SEPTIN11: variants seen among roughly 807,000 people sequenced by gnomAD.
SEPTIN11 encodes the protein septin-11.
In SEPTIN11, 25 loss-of-function variants were observed where a neutral mutation model predicts 51.4. The ratio of observed to expected loss-of-function variants is 0.49; its 90% CI spans 0.35 to 0.68. The LOEUF is 0.68. Among genes scored for constraint, SEPTIN11 ranks in the 30% least tolerant of loss-of-function variants. SEPTIN11 has a pLI of 0.00. For synonymous variants in SEPTIN11, 174 were observed against 184.1 expected, an observed-to-expected ratio of 0.95 and a Z score of 0.44; for missense variants, 381 against 520.8, an observed-to-expected ratio of 0.73 and a Z score of 2.61.
At chr4:76,953,573 C>T (rs1721439518) in intron 1 of SEPTIN11, among the ~76,000 whole-genome samples, 1 of 152,040 alleles carries the variant, frequency 6.6e-6, no homozygotes, top group East Asian at 1.9e-4. Flanking sequence ...GTCGGTGTGC[C>T]TGGAGAAACA....
At chr4:77,022,682 A>G (rs1371080380) in intron 7 of SEPTIN11, among the ~76,000 whole-genome samples, 4 of 152,182 alleles carry the variant, frequency 2.6e-5, no homozygotes, top group Non-Finnish European at 4.4e-5. Context: ...ACTGCCTGCA[A>G]AAGTTAGAAT....
At chr4:76,950,010 G>A in intron 1 of SEPTIN11, 80 bp downstream of exon 1, 1 of 1,306,838 alleles carries the variant, frequency 7.7e-7, no homozygotes, top group Non-Finnish European at 9.7e-7. Flanking sequence ...AGGACCACAG[G>A]GGAGCCGGGC....
intron 1 of SEPTIN11, among the ~76,000 whole-genome samples, chr4:76,952,670 G>A (rs74563920): frequency 6.6e-6 from 1 of 152,196 alleles, no homozygotes; most frequent in Non-Finnish European, 1.5e-5. Flanking sequence ...CTTCAATTTA[G>A]TGTGATACTG....
chr4:76,952,717 A>G (rs1721397724), intron 1 of SEPTIN11, among the ~76,000 whole-genome samples: 1 of 152,170 alleles, frequency 6.6e-6, no homozygotes, highest in Non-Finnish European at 1.5e-5. Context: ...TAGCTTCTCC[A>G]TTTCCCCACT....
At chr4:77,023,018 T>C (rs1725829550) in intron 7 of SEPTIN11, among the ~76,000 whole-genome samples, 1 of 152,112 alleles carries the variant, frequency 6.6e-6, no homozygotes, top group Non-Finnish European at 1.5e-5. Context: ...AGGCATTTCC[T>C]GCAAGCCCAG....
chr4:76,962,694 T>C (rs1026588696), intron 1 of SEPTIN11, among the ~76,000 whole-genome samples: 10 of 152,250 alleles, frequency 6.6e-5, no homozygotes, highest in African/African-American at 2.4e-4. Context: ...ACTGCCTGTT[T>C]AATCAGTTTC....
chr4:77,003,411 C>A (rs559272193), intron 2 of SEPTIN11, among the ~76,000 whole-genome samples: 1 of 152,340 alleles, frequency 6.6e-6, no homozygotes, highest in South Asian at 2.1e-4. Context: ...ATTATTCAGT[C>A]ATGTTCTAGA....
intron 1 of SEPTIN11, chr4:76,987,959 C>T (rs1043604080): frequency 1.8e-5 from 5 of 281,472 alleles, no homozygotes; most frequent in African/African-American, 6.8e-5. Flanking sequence ...CTCCTCTGCC[C>T]TCTGCTGCCC....
chr4:77,003,788 A>T (rs555664739), intron 2 of SEPTIN11, among the ~76,000 whole-genome samples: 1 of 152,210 alleles, frequency 6.6e-6, no homozygotes, highest in Non-Finnish European at 1.5e-5. Flanking sequence ...TTTTGTCATT[A>T]TAGTGGGAGG....
At chr4:76,975,003 A>G (rs1331013583) in intron 1 of SEPTIN11, among the ~76,000 whole-genome samples, 3 of 151,924 alleles carry the variant, frequency 2.0e-5, no homozygotes, top group African/African-American at 7.3e-5. Flanking sequence ...CGTGCCTGTA[A>G]TCCCAGTCAC....
At chr4:77,025,954 C>T (rs1726104412) in intron 7 of SEPTIN11, among the ~76,000 whole-genome samples, 1 of 152,184 alleles carries the variant, frequency 6.6e-6, no homozygotes, top group Non-Finnish European at 1.5e-5. Context: ...CAAAGTTGCT[C>T]CTTAGGCTTT....
At chr4:76,950,398 T>C (rs1456431255) in intron 1 of SEPTIN11, among the ~76,000 whole-genome samples, 1 of 152,134 alleles carries the variant, frequency 6.6e-6, no homozygotes, top group Non-Finnish European at 1.5e-5. Context: ...GGGGTGGGAT[T>C]TCCGTGGTGG....
Position 77,036,157 on chromosome 4 carries a change from A to G in SEPTIN11, c.*1645A>G. ...TGATTATGCTTAATTAAGCAAAGTA[A>G]GGAAATTAGTTTCATGGAAGCCTAA... On this transcript the variant is annotated 3_prime_UTR_variant, in exon 10 of 10. Coordinates refer to ENST00000264893, the MANE Select transcript of SEPTIN11 (RefSeq NM_018243.4). 1 of 987,206 alleles carries G rather than the reference A, an allele frequency of 1.0e-6. No homozygotes were observed. The highest frequency in any genetic ancestry group is 1.2e-6 in the Non-Finnish European group (1 of 831,058). The allele number at this position is 987,206 out of a possible 1,614,324, so 61.2% of individuals were successfully genotyped here. A position where few individuals can be genotyped will look rare whatever the true frequency, so the allele number is the denominator to read the frequency against.
chr4:77,002,750 A>G (rs1411917874), intron 2 of SEPTIN11, among the ~76,000 whole-genome samples: 1 of 149,594 alleles, frequency 6.7e-6, no homozygotes, highest in Non-Finnish European at 1.5e-5. Flanking sequence ...CTGGTTTTAT[A>G]TTGCTTTTAT....
intron 7 of SEPTIN11, among the ~76,000 whole-genome samples, chr4:77,027,875 G>T (rs1726291390): frequency 1.3e-5 from 2 of 152,226 alleles, no homozygotes; most frequent in South Asian, 4.1e-4. Flanking sequence ...AGAATATTGG[G>T]CTCTAACTTC....
intron 1 of SEPTIN11, among the ~76,000 whole-genome samples, chr4:76,961,512 A>G (rs1036127862): frequency 6.6e-6 from 1 of 152,146 alleles, no homozygotes; most frequent in African/African-American, 2.4e-5. Flanking sequence ...ACCACATTAT[A>G]TTGAAAATAT....
chr4:76,978,433 C>G (rs1358643664), intron 1 of SEPTIN11, among the ~76,000 whole-genome samples: 1 of 152,080 alleles, frequency 6.6e-6, no homozygotes, highest in East Asian at 1.9e-4. Context: ...CCTTGATGGC[C>G]AACACACACA....
At chr4:76,993,375 G>A (rs1436027190) in intron 1 of SEPTIN11, among the ~76,000 whole-genome samples, 1 of 152,082 alleles carries the variant, frequency 6.6e-6, no homozygotes, top group East Asian at 1.9e-4. Flanking sequence ...GATAAATTCA[G>A]AGAGTCGTTT....
chr4:76,969,950 A>G (rs1722174520), intron 1 of SEPTIN11, among the ~76,000 whole-genome samples: 1 of 152,180 alleles, frequency 6.6e-6, no homozygotes, highest in South Asian at 2.1e-4. Context: ...TGGAGAGACT[A>G]AATCTATTTT....
Sources: gnomAD v4.1 joint callset for allele counts (sites outside exome capture counted in the v4.1 genomes callset) on GRCh38, gnomAD v4.1.1 for gene constraint, MANE v1.5 for transcripts, NCBI Gene and HGNC (gene_info 2026-07-23, HGNC 2026-07-21) for gene names.